SNX31: variants seen among roughly 807,000 people sequenced by gnomAD.
SNX31 encodes sorting nexin-31.
SNX31 carries 58 observed loss-of-function variants against 65.4 expected under a neutral mutation model. That is an observed-to-expected ratio of 0.89 (90% CI 0.72 to 1.10). The LOEUF (loss-of-function observed/expected upper bound fraction) is 1.10, where lower values mean the gene tolerates loss of function less well. Among genes scored for constraint, SNX31 ranks in the 50% least tolerant of loss-of-function variants. The probability of loss-of-function intolerance (pLI) is 0.00; values close to 1 mark genes in which losing one functional copy is unlikely to be tolerated. For synonymous variants in SNX31, 181 were observed against 190.1 expected, an observed-to-expected ratio of 0.95 and a Z score of 0.39; for missense variants, 523 against 529.7, an observed-to-expected ratio of 0.99 and a Z score of 0.12.
intron 11 of SNX31, among the ~76,000 whole-genome samples, chr8:100,584,660 A>G (rs1319471883): frequency 6.6e-6 from 1 of 151,884 alleles, no homozygotes; most frequent in African/African-American, 2.4e-5. Context: ...TTGAAGGAAT[A>G]TATTAGCACC....
At chr8:100,620,171 AG>A (rs1270123583) in intron 4 of SNX31, among the ~76,000 whole-genome samples, 1 of 152,204 alleles carries the variant, frequency 6.6e-6, no homozygotes, top group Non-Finnish European at 1.5e-5. Context: ...AGCATGTAAA[AG>A]GGAAGATCCA....
At chr8:100,587,590 G>A (rs1207237407) in intron 11 of SNX31, among the ~76,000 whole-genome samples, 1 of 152,192 alleles carries the variant, frequency 6.6e-6, no homozygotes, top group Non-Finnish European at 1.5e-5. Context: ...TTGCTTATCA[G>A]TAGCATATAA....
At chr8:100,631,561 T>A (rs115479702) in intron 3 of SNX31, among the ~76,000 whole-genome samples, 2,743 of 151,500 alleles carry the variant, frequency 0.018, 88 homozygotes, top group African/African-American at 0.06. Context: ...CCTCAGTCTC[T>A]CAAGTTTTTG....
intron 7 of SNX31, among the ~76,000 whole-genome samples, chr8:100,611,446 C>A (rs1196450886): frequency 4.5e-4 from 68 of 152,226 alleles, no homozygotes; most frequent in Non-Finnish European, 2.1e-4. Context: ...ATTTTCATAC[C>A]CCACCCCGCC....
At chr8:100,583,611 T>C (rs1224365484) in intron 12 of SNX31, among the ~76,000 whole-genome samples, 1 of 152,170 alleles carries the variant, frequency 6.6e-6, no homozygotes. Flanking sequence ...TAATTTTATA[T>C]TGAGGAAAAA....
upstream of SNX31, among the ~76,000 whole-genome samples, chr8:100,650,856 T>TTG (rs1819947566): frequency 6.7e-6 from 1 of 148,860 alleles, no homozygotes; most frequent in African/African-American, 2.5e-5. Context: ...TTTTGTTTTT[T>TTG]TTTTTTTTGT....
At chr8:100,611,092 G>A (rs1338672067) in intron 7 of SNX31, among the ~76,000 whole-genome samples, 1 of 152,106 alleles carries the variant, frequency 6.6e-6, no homozygotes, top group Non-Finnish European at 1.5e-5. Flanking sequence ...TTCTGCAGAG[G>A]GATACTTGTG....
intron 4 of SNX31, among the ~76,000 whole-genome samples, chr8:100,623,577 T>G (rs1024890251): frequency 1.3e-5 from 2 of 152,192 alleles, no homozygotes; most frequent in African/African-American, 4.8e-5. Flanking sequence ...GAACTTACTC[T>G]GCTTCCCCTC....
chr8:100,582,885 A>C (rs1037089487), intron 12 of SNX31, among the ~76,000 whole-genome samples: 16 of 151,248 alleles, frequency 1.1e-4, no homozygotes, highest in Non-Finnish European at 2.1e-4. Flanking sequence ...CGGGAGGCTG[A>C]GGCAAGAGAA....
chr8:100,638,942 T>A (rs899831904), intron 2 of SNX31, among the ~76,000 whole-genome samples: 4 of 151,368 alleles, frequency 2.6e-5, no homozygotes, highest in African/African-American at 9.7e-5. Flanking sequence ...GCGACAGGAG[T>A]CAGTCTGGAA....
rs1697446111 is a variant in SNX31 at position 100,648,993 on chromosome 8, G to A, written c.141+281C>T. 1.3e-5 allele frequency among the ~76,000 whole-genome samples: 2 copies of A among 152,250 alleles called. No homozygotes were observed. Among genetic ancestry groups the A allele is most frequent in the Admixed American group, 6.5e-5 (1 of 15,292 alleles). ...CCCAGCGCCCTGCCAGGCGGCGCTA[G>A]CGGGGATCACCCGGCTGCAACTGCG... On this transcript the variant is annotated intron_variant, in intron 2 of 13. Transcript: ENST00000311812. This position sits in a 1 kb window ranked among gnomAD's most constrained non-coding sequence, Gnocchi z 4.3.
At chr8:100,631,792 A>G (rs920687849) in intron 3 of SNX31, among the ~76,000 whole-genome samples, 6 of 152,180 alleles carry the variant, frequency 3.9e-5, no homozygotes, top group Non-Finnish European at 8.8e-5. Context: ...GGAGTGGAGG[A>G]GGGGAAGCCC....
chr8:100,650,114 T>A (rs1290583494), upstream of SNX31, among the ~76,000 whole-genome samples: 1 of 152,202 alleles, frequency 6.6e-6, no homozygotes, highest in Non-Finnish European at 1.5e-5. Context: ...TGAGAAGCCC[T>A]CATTTTTAGA....
chr8:100,636,933 C>T (rs549847224), intron 2 of SNX31, among the ~76,000 whole-genome samples: 1 of 152,316 alleles, frequency 6.6e-6, no homozygotes, highest in South Asian at 2.1e-4. Context: ...GTTGGCCAGG[C>T]TGGTCTCAAA....
Position 100,612,870 on chromosome 8 carries a change from C to G in SNX31, c.523+125G>C. 1.2e-6 allele frequency: 1 copy of G among 814,768 alleles called. No individual in the cohort carries two copies. The allele number at this position is 814,768 out of a possible 1,614,324, so 50.5% of individuals were successfully genotyped here. ...ATTCCCTAAACCCTTAACCCAGTGA[C>G]TGAGAACAGTGGTAGGGATCACAGC... On this transcript the variant is annotated intron_variant, in intron 6 of 13. Coordinates refer to ENST00000311812, the MANE Select transcript of SNX31 (RefSeq NM_152628.4). The surrounding 1 kb of genome is among the most constrained non-coding windows in gnomAD (Gnocchi z 4.3).
chr8:100,604,733 G>A lies in SNX31; in HGVS notation c.681+3761C>T, dbSNP rs1401306979. 6.6e-6 allele frequency among the ~76,000 whole-genome samples: 1 copy of A among 152,220 alleles called. No individual in the cohort carries two copies. The highest frequency in any genetic ancestry group is 2.4e-5 in the African/African-American group (1 of 41,466). ...CAGGTTAAAAGAGGAGCAGAAGAAA[G>A]GAAACAGGCTGTGGGAATTCAGTTG... On this transcript the variant is annotated intron_variant, in intron 8 of 13. Coordinates refer to ENST00000311812, the MANE Select transcript of SNX31 (RefSeq NM_152628.4). This position sits in a 1 kb window ranked among gnomAD's most constrained non-coding sequence, Gnocchi z 4.3.
At chr8:100,615,937 T>G (rs1463949638) in intron 5 of SNX31, among the ~76,000 whole-genome samples, 2 of 140,378 alleles carry the variant, frequency 1.4e-5, no homozygotes, top group African/African-American at 2.8e-5. Flanking sequence ...GCCCGGCTAA[T>G]TTTTTTTTTG....
At chr8:100,656,660 A>AAC (rs1820057761) in intron 1 of SNX31, among the ~76,000 whole-genome samples, 2 of 151,708 alleles carry the variant, frequency 1.3e-5, no homozygotes, top group African/African-American at 4.8e-5. Context: ...AAAAAAAAAA[A>AAC]AAAAAACCTT....
In SNX31 at chr8:100,573,718, C is replaced by T; in HGVS notation, c.*147G>A. On this transcript the variant is annotated 3_prime_UTR_variant, in exon 14 of 14. Coordinates refer to ENST00000311812, the MANE Select transcript of SNX31 (RefSeq NM_152628.4). ...TCCATAGAGTGCTGTGGTATAATACCTTGATGAATACAGTCCATGTTAATG... is the reference window on the plus strand; with the variant it reads ...TCCATAGAGTGCTGTGGTATAATACTTTGATGAATACAGTCCATGTTAATG... 1 of 452,634 alleles carries T rather than the reference C, an allele frequency of 2.2e-6. No individual in the cohort carries two copies. Among genetic ancestry groups the T allele is most frequent in the Non-Finnish European group, 3.9e-6 (1 of 256,166 alleles). The allele number at this position is 452,634 out of a possible 1,614,324, so 28.0% of individuals were successfully genotyped here.
Sources: allele counts gnomAD v4.1 joint callset (sites outside exome capture counted in the v4.1 genomes callset), GRCh38; gene constraint gnomAD v4.1.1; non-coding constraint Gnocchi (gnomAD v3.1); transcripts MANE v1.5; gene names NCBI Gene and HGNC (gene_info 2026-07-23, HGNC 2026-07-21).